Variants in HPCAL1 observed in about 807,000 individuals in gnomAD.
HPCAL1 encodes the protein hippocalcin like 1, also known as hippocalcin-like protein 1.
A neutral mutation model predicts 17.1 loss-of-function variants in HPCAL1; 8 were observed. The ratio of observed to expected loss-of-function variants is 0.47; its 90% confidence interval spans 0.27 to 0.84. The LOEUF is 0.84. Among genes scored for constraint, HPCAL1 ranks in the 40% least tolerant of loss-of-function variants. The probability of loss-of-function intolerance (pLI) is 0.13; values close to 1 mark genes in which losing one functional copy is unlikely to be tolerated. For missense variants in HPCAL1, 165 were observed against 271.1 expected (o/e 0.61, Z 2.75); for synonymous variants, 112 against 111.4 (o/e 1.01, Z -0.03).
At chr2:10,314,058 G>C (rs1433361990) in intron 1 of HPCAL1, among the ~76,000 whole-genome samples, 1 of 151,728 alleles carries the variant, frequency 6.6e-6, no homozygotes, top group Non-Finnish European at 1.5e-5. Context: ...TTCAACCCAG[G>C]AGGCAGAGGT....
At chr2:10,368,271 T>C in intron 1 of HPCAL1, among the ~76,000 whole-genome samples, 1 of 151,910 alleles carries the variant, frequency 6.6e-6, no homozygotes, top group Non-Finnish European at 1.5e-5. Context: ...TTTGTGCATG[T>C]GTGTGCATAC....
chr2:10,413,523 G>A (rs1336870711), intron 2 of HPCAL1, among the ~76,000 whole-genome samples: 1 of 152,226 alleles, frequency 6.6e-6, no homozygotes, highest in Non-Finnish European at 1.5e-5. Context: ...CAGAGGAGGT[G>A]CTGAGTGAGG....
Position 10,423,006 on chromosome 2 carries a change from T to C in HPCAL1, c.402T>C (p.Ser134=), listed in dbSNP as rs769284432. 2.5e-6 allele frequency: 4 copies of C among 1,613,332 alleles called. No individual in the cohort carries two copies. The African/African-American group carries it at 4.0e-5, about 16-fold the overall frequency. The change falls in exon 4 of 5, where the codon TCT becomes TCC. Residue 134 remains serine (S), a synonymous_variant. Coordinates refer to ENST00000307845, the MANE Select transcript of HPCAL1 (RefSeq NM_002149.4). ...IVQAIYKMVS[S]VMKMPEDEST... is the part of the protein sequence containing the mutation. ...AGGCCATCTACAAGATGGTGTCGTC[T>C]GTGATGAAGATGCCGGAGGATGAGT...
chr2:10,369,754 A>C (rs1572736402), intron 1 of HPCAL1, among the ~76,000 whole-genome samples: 1 of 152,322 alleles, frequency 6.6e-6, no homozygotes, highest in South Asian at 2.1e-4. Context: ...GTCCTTATTA[A>C]TCAAATAATA....
intron 2 of HPCAL1, among the ~76,000 whole-genome samples, chr2:10,417,608 T>C (rs1249661137): frequency 6.6e-6 from 1 of 152,234 alleles, no homozygotes; most frequent in African/African-American, 2.4e-5. Flanking sequence ...CCTGAGTAGT[T>C]TGCTGTTACA....
At chr2:10,361,555 G>T (rs2884210) in intron 1 of HPCAL1, among the ~76,000 whole-genome samples, 113,683 of 151,990 alleles carry the variant, frequency 0.75, 42,818 homozygotes, top group East Asian at 0.99. Flanking sequence ...CATGTACACA[G>T]GTGTGAAAGC....
intron 2 of HPCAL1, among the ~76,000 whole-genome samples, chr2:10,400,798 T>C (rs918820671): frequency 4.0e-5 from 6 of 151,832 alleles, no homozygotes; most frequent in African/African-American, 1.5e-4. Context: ...CATACACACA[T>C]TGTGGGCAGG....
chr2:10,313,231 C>T (rs113544311), intron 1 of HPCAL1, among the ~76,000 whole-genome samples: 32 of 152,188 alleles, frequency 2.1e-4, no homozygotes, highest in African/African-American at 7.7e-4. Flanking sequence ...CTCCTTTGTC[C>T]CTCCAGGGAG....
chr2:10,343,119 G>C lies in HPCAL1; in HGVS notation c.-111+39942G>C, dbSNP rs1227625769. On this transcript the variant is annotated intron_variant, in intron 1 of 4. Coordinates refer to ENST00000307845, the MANE Select transcript of HPCAL1 (RefSeq NM_002149.4). The surrounding 1 kb of genome is among the most constrained non-coding windows in gnomAD (Gnocchi z 4.8). ...CCAAGTGGGCCCGCAGCTCTGATGTGCAGTGGGTATGCACTGGCAAGCCGT... is the reference window on the plus strand; with the variant it reads ...CCAAGTGGGCCCGCAGCTCTGATGTCCAGTGGGTATGCACTGGCAAGCCGT... 6.6e-6 allele frequency among the ~76,000 whole-genome samples: 1 copy of C among 152,214 alleles called. No individual in the cohort carries two copies.
chr2:10,374,834 T>G (rs1340869484), intron 1 of HPCAL1, among the ~76,000 whole-genome samples: 1 of 152,214 alleles, frequency 6.6e-6, no homozygotes, highest in African/African-American at 2.4e-5. Flanking sequence ...TTGGCTGATG[T>G]TGGCTGTTGC....
At chr2:10,306,699 C>A (rs962287009) in intron 1 of HPCAL1, among the ~76,000 whole-genome samples, 1 of 152,130 alleles carries the variant, frequency 6.6e-6, no homozygotes, top group African/African-American at 2.4e-5. Flanking sequence ...GTAATCAATA[C>A]GGTTTGACAG....
chr2:10,330,550 C>G lies in HPCAL1; in HGVS notation c.-111+27373C>G, dbSNP rs2125418831. Among the ~76,000 whole-genome samples the G allele has an allele frequency of 6.6e-6, 1 of 152,262 alleles. No homozygotes were observed. The highest frequency in any genetic ancestry group is 2.4e-5 in the African/African-American group (1 of 41,536). On this transcript the variant is annotated intron_variant, in intron 1 of 4. Coordinates refer to ENST00000307845, the MANE Select transcript of HPCAL1 (RefSeq NM_002149.4). This position sits in a 1 kb window ranked among gnomAD's most constrained non-coding sequence, Gnocchi z 4.2. ...GCAGGGTTGGTGTCACCCGAGGCCT[C>G]TCTCCTCGGCTCCGTGTAGCCCTTT...
At chr2:10,327,697 C>T (rs16856119) in intron 1 of HPCAL1, among the ~76,000 whole-genome samples, 10,771 of 151,912 alleles carry the variant, frequency 0.071, 472 homozygotes, top group Middle Eastern at 0.092. Context: ...AACCAATTTT[C>T]CATAGTCATC....
intron 2 of HPCAL1, among the ~76,000 whole-genome samples, chr2:10,406,943 T>C (rs1245041485): frequency 6.6e-6 from 1 of 152,160 alleles, no homozygotes; most frequent in African/African-American, 2.4e-5. Context: ...TATGTCCGTT[T>C]CACTCACCTC....
intron 2 of HPCAL1, among the ~76,000 whole-genome samples, chr2:10,397,160 C>A (rs1451836934): frequency 6.7e-6 from 1 of 150,070 alleles, no homozygotes; most frequent in East Asian, 2.0e-4. Flanking sequence ...TCTCAGCTCT[C>A]GCCCTAAGCT....
At chr2:10,325,892 C>A (rs1663979175) in intron 1 of HPCAL1, among the ~76,000 whole-genome samples, 1 of 152,204 alleles carries the variant, frequency 6.6e-6, no homozygotes. Flanking sequence ...AGCCGCTGGC[C>A]TTTTTCCACT....
intron 1 of HPCAL1, among the ~76,000 whole-genome samples, chr2:10,324,991 T>TTC (rs1553340964): frequency 7.1e-6 from 1 of 140,450 alleles, no homozygotes; most frequent in Non-Finnish European, 1.5e-5. Context: ...CCCAGCAATT[T>TTC]TTTTTTTTTT....
chr2:10,341,494 A>C (rs1363627229), intron 1 of HPCAL1, among the ~76,000 whole-genome samples: 6 of 151,286 alleles, frequency 4.0e-5, no homozygotes, highest in South Asian at 4.2e-4. Context: ...AAATGTATGC[A>C]TGGAGGTACT....
At chr2:10,325,680 AAC>A (rs139594525) in intron 1 of HPCAL1, among the ~76,000 whole-genome samples, 4,109 of 152,330 alleles carry the variant, frequency 0.027, 82 homozygotes, top group East Asian at 0.11. Context: ...CTGCAGAGGG[AAC>A]TGCTAATGCA....
Sources: gnomAD v4.1 joint callset for allele counts (sites outside exome capture counted in the v4.1 genomes callset) on GRCh38, gnomAD v4.1.1 for gene constraint, Gnocchi (gnomAD v3.1) non-coding constraint, MANE v1.5 for transcripts, NCBI Gene and HGNC (gene_info 2026-07-23, HGNC 2026-07-21) for gene names.